DNAJC24: variants seen among roughly 807,000 people sequenced by gnomAD.
DNAJC24 encodes the protein DnaJ heat shock protein family (Hsp40) member C24.
Under a neutral mutation model 18.0 loss-of-function variants are expected in DNAJC24, and 17 were observed. The observed-to-expected ratio is 0.94, with a 90% CI of 0.65 to 1.42. The LOEUF (loss-of-function observed/expected upper bound fraction) is 1.42. Ranked by LOEUF, DNAJC24 falls within the 40% of genes most tolerant of loss-of-function variation. The pLI is 0.00. For missense variants in DNAJC24, 158 were observed against 175.6 expected, an observed-to-expected ratio of 0.90 and a Z score of 0.57; for synonymous variants, 55 against 57.7, an observed-to-expected ratio of 0.95 and a Z score of 0.21.
intron 2 of DNAJC24, among the ~76,000 whole-genome samples, chr11:31,412,039 C>T (rs1351868766): frequency 6.6e-6 from 1 of 152,118 alleles, no homozygotes. Context: ...GACTTAAAGC[C>T]TCAGATGGCG....
At chr11:31,428,386 G>A (rs866789313) in intron 4 of DNAJC24, among the ~76,000 whole-genome samples, 7 of 152,100 alleles carry the variant, frequency 4.6e-5, no homozygotes, top group Non-Finnish European at 8.8e-5. Flanking sequence ...CATTATTCTT[G>A]TAGAAATACT....
intron 2 of DNAJC24, among the ~76,000 whole-genome samples, chr11:31,399,228 A>C (rs907719207): frequency 1.3e-5 from 2 of 152,216 alleles, no homozygotes; most frequent in Non-Finnish European, 2.9e-5. Context: ...TGTTACTAAC[A>C]AAAGGAATTG....
chr11:31,427,961 T>C (rs1431622858), intron 4 of DNAJC24: 1 of 104,494 alleles, frequency 9.6e-6, no homozygotes, highest in Non-Finnish European at 2.0e-5. Flanking sequence ...ATTGTGAGAA[T>C]AGGAAAAAAA....
At chr11:31,390,415 A>AG (rs1431406753) in intron 2 of DNAJC24, among the ~76,000 whole-genome samples, 11 of 150,826 alleles carry the variant, frequency 7.3e-5, no homozygotes, top group Non-Finnish European at 1.5e-4. Flanking sequence ...AAAAAAAAAA[A>AG]AAAAATTAAA....
rs2133505966 is a variant in DNAJC24 at position 31,425,520 on chromosome 11, G to A, written c.251-767G>A. Among the ~76,000 whole-genome samples, 2 of 152,206 alleles carry A rather than the reference G, an allele frequency of 1.3e-5. 1 individual carries two copies. Among genetic ancestry groups the A allele is most frequent in the Middle Eastern group, 6.8e-3 (2 of 294 alleles). ...TGCTGGTTGACTCGGTTTCTGATGA[G>A]GGCTCTTTTCCTGGCTTGCAGACAG... On this transcript the variant is annotated intron_variant, in intron 3 of 4. Coordinates refer to ENST00000465995, the MANE Select transcript of DNAJC24 (RefSeq NM_181706.5).
At chr11:31,423,157 T>G (rs933591168) in intron 3 of DNAJC24, among the ~76,000 whole-genome samples, 3 of 152,216 alleles carry the variant, frequency 2.0e-5, no homozygotes, top group Admixed American at 6.5e-5. Context: ...CCTTTAAAAC[T>G]TTAAAAATTT....
chr11:31,431,073 G>A lies in DNAJC24; in HGVS notation c.*672G>A, dbSNP rs1458196644. ...CTCACTCTGTCGCGCCAGCTGGAGT[G>A]CAGTGCCATGATCTCAGGTCGCTGT... On this transcript the variant is annotated 3_prime_UTR_variant, in exon 5 of 5. Transcript: ENST00000465995. The A allele has an allele frequency of 6.6e-6, 1 of 152,132 alleles. No homozygotes were observed. Among genetic ancestry groups the A allele is most frequent in the Non-Finnish European group, 1.5e-5 (1 of 68,028 alleles). The allele number at this position is 152,132 out of a possible 1,614,324, so 9.4% of individuals were successfully genotyped here.
chr11:31,378,373 TAAAC>T (rs1327241738), intron 2 of DNAJC24, among the ~76,000 whole-genome samples: 1 of 152,192 alleles, frequency 6.6e-6, no homozygotes, highest in East Asian at 1.9e-4. Context: ...GACTCTATCA[TAAAC>T]AATTCTTTTT....
At chr11:31,418,547 C>T (rs1387793187) in intron 3 of DNAJC24, among the ~76,000 whole-genome samples, 4 of 151,984 alleles carry the variant, frequency 2.6e-5, no homozygotes, top group African/African-American at 9.7e-5. Context: ...AGTAGCAAAC[C>T]TTGAAATACA....
chr11:31,381,138 A>G (rs551711542), intron 2 of DNAJC24, among the ~76,000 whole-genome samples: 2 of 152,320 alleles, frequency 1.3e-5, no homozygotes, highest in Non-Finnish European at 2.9e-5. Flanking sequence ...TAAGGTATAC[A>G]TAAAATCATA....
At chr11:31,384,671 T>C (rs141439062) in intron 2 of DNAJC24, 1 of 152,352 alleles carries the variant, frequency 6.6e-6, no homozygotes, top group Non-Finnish European at 1.5e-5. Flanking sequence ...GTGAAGTGAT[T>C]TGACCTGTAG....
intron 3 of DNAJC24, chr11:31,415,505 T>C (rs1326180900): frequency 1.3e-5 from 2 of 152,184 alleles, no homozygotes; most frequent in African/African-American, 4.8e-5. Flanking sequence ...TTTTAGAAAA[T>C]AGCTTTTTAA....
chr11:31,388,895 A>G (rs376702851), intron 2 of DNAJC24, among the ~76,000 whole-genome samples: 39 of 151,882 alleles, frequency 2.6e-4, no homozygotes, highest in African/African-American at 8.3e-4. Context: ...AGTTTTTATT[A>G]GTTATCTCTT....
intron 2 of DNAJC24, chr11:31,407,390 A>G (rs1056332895): frequency 9.2e-5 from 14 of 152,282 alleles, no homozygotes; most frequent in African/African-American, 3.1e-4. Flanking sequence ...TTTCATTTCA[A>G]CTTTATATGT....
rs962587295 is a variant in DNAJC24, at chr11:31,372,366, C to T, written c.111+1507C>T. Among the ~76,000 whole-genome samples, 10 of 134,992 alleles carry T rather than the reference C, an allele frequency of 7.4e-5. 1 individual carries two copies. Among genetic ancestry groups the T allele is most frequent in the African/African-American group, 2.5e-4 (10 of 40,188 alleles). The allele number at this position is 134,992 out of a possible 152,430, so 88.6% of individuals were successfully genotyped here. A position where few individuals can be genotyped will look rare whatever the true frequency, so the allele number is the denominator to read the frequency against. On this transcript the variant is annotated intron_variant, in intron 2 of 4. Coordinates refer to ENST00000465995, the MANE Select transcript of DNAJC24 (RefSeq NM_181706.5). Reference sequence around the variant, plus strand: ...AACTATTAATGTTCATTGTGAGAGACTAACTGTTTCATCATCAGGATTGTA... The same window carrying T: ...AACTATTAATGTTCATTGTGAGAGATTAACTGTTTCATCATCAGGATTGTA...
intron 2 of DNAJC24, among the ~76,000 whole-genome samples, chr11:31,387,824 A>G (rs1274024144): frequency 6.6e-6 from 1 of 152,204 alleles, no homozygotes; most frequent in East Asian, 1.9e-4. Flanking sequence ...TTACAAATAG[A>G]GAATTCAAAA....
At chr11:31,397,549 C>G (rs1321127165) in intron 2 of DNAJC24, among the ~76,000 whole-genome samples, 2 of 150,740 alleles carry the variant, frequency 1.3e-5, no homozygotes, top group Non-Finnish European at 2.9e-5. Context: ...TTGCAGTACT[C>G]TGATACCTAA....
chr11:31,397,421 A>G (rs958323534), intron 2 of DNAJC24, among the ~76,000 whole-genome samples: 3 of 152,036 alleles, frequency 2.0e-5, no homozygotes, highest in Admixed American at 6.5e-5. Context: ...TCTTTAGGCA[A>G]TATTTTACTA....
rs1591897390 is a variant in DNAJC24 at position 31,374,888 on chromosome 11, CTT to C, written c.111+4032_111+4033del. 3.7e-5 allele frequency among the ~76,000 whole-genome samples: 5 copies of C among 135,250 alleles called. No homozygotes were observed. In the East Asian group the frequency reaches 9.7e-4, roughly 26 times the overall value. 88.7% of individuals were successfully genotyped at this position (135,250 alleles called of 152,430 possible). The stretch of plus-strand genomic sequence containing the variant: ...TTTCCATCTCTTCAAATTTTGGTGT[CTT>C]TTGCCTGTCTTTTCTCTCCTGTTCT... On this transcript the variant is annotated intron_variant, in intron 2 of 4. Transcript: ENST00000465995.
Sources: gnomAD v4.1 joint callset for allele counts (sites outside exome capture counted in the v4.1 genomes callset) on GRCh38, gnomAD v4.1.1 for gene constraint, MANE v1.5 for transcripts, NCBI Gene and HGNC (gene_info 2026-07-23, HGNC 2026-07-21) for gene names.